GLIS3: variants seen among roughly 807,000 people sequenced by gnomAD.
GLIS3 encodes GLIS family zinc finger 3.
Under a neutral mutation model 78.6 loss-of-function variants are expected in GLIS3, and 53 were observed. The ratio of observed to expected loss-of-function variants is 0.67; its 90% confidence interval spans 0.54 to 0.85. The LOEUF (loss-of-function observed/expected upper bound fraction) is 0.85, where lower values mean the gene tolerates loss of function less well. Among genes scored for constraint, GLIS3 ranks in the 40% least tolerant of loss-of-function variants. The probability of loss-of-function intolerance (pLI) is 0.00; values close to 1 mark genes in which losing one functional copy is unlikely to be tolerated. For missense variants in GLIS3, 1,703 were observed against 1,231.1 expected (o/e 1.38, Z -5.74); for synonymous variants, 684 against 509.9 (o/e 1.34, Z -4.60).
chr9:4,462,618 C>G, the GLIS3 span, among the ~76,000 whole-genome samples: 1 of 149,974 alleles, frequency 6.7e-6, no homozygotes, highest in Non-Finnish European at 1.5e-5. Flanking sequence ...CACACACACA[C>G]ACACACACAC....
At chr9:4,081,054 T>A (rs1466360200) in intron 4 of GLIS3, among the ~76,000 whole-genome samples, 1 of 152,198 alleles carries the variant, frequency 6.6e-6, no homozygotes, top group African/African-American at 2.4e-5. Context: ...ATTACGGCAG[T>A]AGAGGGTAGA....
chr9:4,360,544 T>C, the GLIS3 span, among the ~76,000 whole-genome samples: 1 of 152,228 alleles, frequency 6.6e-6, no homozygotes, highest in Non-Finnish European at 1.5e-5. Context: ...TTTCCGAGGA[T>C]TATCTCATTT....
chr9:3,974,179 T>G (rs769688771), intron 4 of GLIS3, among the ~76,000 whole-genome samples: 5 of 152,062 alleles, frequency 3.3e-5, no homozygotes, highest in Admixed American at 2.6e-4. Context: ...TTTCCCAACA[T>G]GAAATTTTAT....
the GLIS3 span, among the ~76,000 whole-genome samples, chr9:4,483,202 AG>A: frequency 9.5e-6 from 1 of 105,372 alleles, no homozygotes; most frequent in Non-Finnish European, 1.8e-5. Flanking sequence ...ATCTTGCTTT[AG>A]GCAGAGAAAT....
intron 4 of GLIS3, among the ~76,000 whole-genome samples, chr9:3,993,631 T>C (rs1013594524): frequency 2.6e-4 from 40 of 152,190 alleles, no homozygotes; most frequent in African/African-American, 9.6e-4. Context: ...TGCCTACATA[T>C]GCCATCATAA....
At chr9:4,115,429 GA>G (rs1831563758) in intron 4 of GLIS3, among the ~76,000 whole-genome samples, 1 of 152,088 alleles carries the variant, frequency 6.6e-6, no homozygotes, top group African/African-American at 2.4e-5. Context: ...AGTGGGATAT[GA>G]AACATTTTAA....
chr9:4,478,359 C>A, the GLIS3 span, among the ~76,000 whole-genome samples: 2 of 152,134 alleles, frequency 1.3e-5, no homozygotes, highest in Non-Finnish European at 2.9e-5. Flanking sequence ...TGTATGTAAT[C>A]CCAGCAATTT....
the GLIS3 span, among the ~76,000 whole-genome samples, chr9:4,357,238 G>T: frequency 6.6e-6 from 1 of 152,144 alleles, no homozygotes; most frequent in South Asian, 2.1e-4. Flanking sequence ...TGTCTGTGAA[G>T]GTGTTTCTGG....
At chr9:4,475,014 G>C in the GLIS3 span, among the ~76,000 whole-genome samples, 1 of 76,008 alleles carries the variant, frequency 1.3e-5, no homozygotes, top group Non-Finnish European at 2.3e-5. Flanking sequence ...TTTTTTTTGA[G>C]ACGTAGTCTT....
intron 2 of GLIS3, among the ~76,000 whole-genome samples, chr9:4,251,697 T>C (rs377760521): frequency 1.3e-5 from 2 of 152,100 alleles, no homozygotes; most frequent in Non-Finnish European, 2.9e-5. Context: ...GTTTCTTCAG[T>C]GTCGATGGTC....
chr9:4,321,394 C>G (rs1242262244), intron 2 of GLIS3, among the ~76,000 whole-genome samples: 1 of 102,148 alleles, frequency 9.8e-6, no homozygotes, highest in Non-Finnish European at 1.7e-5. Flanking sequence ...TGCACTCCAG[C>G]CTGGGCCACA....
At chr9:4,258,360 A>G (rs996489419) in intron 2 of GLIS3, among the ~76,000 whole-genome samples, 2 of 152,170 alleles carry the variant, frequency 1.3e-5, no homozygotes, top group Non-Finnish European at 2.9e-5. Flanking sequence ...AATTTTGATA[A>G]ATGTAATATA....
At chr9:4,085,763 T>C (rs538254294) in intron 4 of GLIS3, among the ~76,000 whole-genome samples, 1 of 152,240 alleles carries the variant, frequency 6.6e-6, no homozygotes, top group South Asian at 2.1e-4. Flanking sequence ...TTGTTAAAAA[T>C]GGTGGCACCC....
At chr9:4,176,938 T>C (rs966162979) in intron 2 of GLIS3, among the ~76,000 whole-genome samples, 2 of 152,248 alleles carry the variant, frequency 1.3e-5, no homozygotes, top group African/African-American at 2.4e-5. Context: ...TTACCGTATT[T>C]CAAATGGTTT....
chr9:4,302,621 G>A (rs1450185368), upstream of GLIS3, among the ~76,000 whole-genome samples: 1 of 152,210 alleles, frequency 6.6e-6, no homozygotes, highest in Admixed American at 6.5e-5. Flanking sequence ...CTACTTAGAA[G>A]CAAAGAAGTT....
intron 7 of GLIS3, among the ~76,000 whole-genome samples, chr9:3,880,648 G>T (rs1479631613): frequency 1.6e-4 from 24 of 152,114 alleles, no homozygotes; most frequent in Admixed American, 1.4e-3. Context: ...TTATCGAAAA[G>T]ATTTGAGGGT....
At chr9:4,422,836 G>C in the GLIS3 span, among the ~76,000 whole-genome samples, 1 of 152,144 alleles carries the variant, frequency 6.6e-6, no homozygotes, top group East Asian at 1.9e-4. Context: ...AAGAGATTTG[G>C]GGGATACATT....
chr9:4,336,672 C>T (rs544400318), intron 2 of GLIS3, among the ~76,000 whole-genome samples: 2 of 152,124 alleles, frequency 1.3e-5, no homozygotes, highest in Non-Finnish European at 2.9e-5. Flanking sequence ...CACCTAACTC[C>T]AAACCTTGCC....
intron 2 of GLIS3, among the ~76,000 whole-genome samples, chr9:4,158,612 A>C (rs1044597780): frequency 6.6e-6 from 1 of 152,206 alleles, no homozygotes; most frequent in Non-Finnish European, 1.5e-5. Flanking sequence ...TAAGGTTTTC[A>C]CTACTAAATG....
Sources: allele counts gnomAD v4.1 joint callset (sites outside exome capture counted in the v4.1 genomes callset), GRCh38; gene constraint gnomAD v4.1.1; transcripts MANE v1.5; gene names NCBI Gene and HGNC (gene_info 2026-07-23, HGNC 2026-07-21).